Variants in FUBP3 observed in about 807,000 individuals in gnomAD.
FUBP3 encodes far upstream element-binding protein 3.
FUBP3 carries 28 observed loss-of-function variants against 85.6 expected under a neutral mutation model. That is an observed-to-expected ratio of 0.33 (90% CI 0.24 to 0.45). The LOEUF is 0.45. Ranked by LOEUF, FUBP3 falls within the 20% of genes least tolerant of loss-of-function variation. The pLI, the probability that FUBP3 is intolerant of heterozygous loss-of-function variation, is 1.00. For missense variants in FUBP3, 583 were observed against 755.1 expected (o/e 0.77, Z 2.67); for synonymous variants, 271 against 271.4 (o/e 1.00, Z 0.01).
Position 130,637,441 on chromosome 9 carries a change from G to T in FUBP3, c.*419G>T. The T allele has an allele frequency of 5.5e-6, 1 of 182,374 alleles. No homozygotes were observed. The highest frequency in any genetic ancestry group is 2.4e-5 in the African/African-American group (1 of 42,122). The allele number at this position is 182,374 out of a possible 1,614,324, so 11.3% of individuals were successfully genotyped here. On this transcript the variant is annotated 3_prime_UTR_variant, in exon 19 of 19. Coordinates refer to ENST00000319725, the MANE Select transcript of FUBP3 (RefSeq NM_003934.2). The stretch of plus-strand genomic sequence containing the variant: ...ACAAATTCTTTTTAAAAATTTTAAA[G>T]CAGTATTTAAGTATTCTTAAATGTG...
chr9:130,616,706 T>TATG lies in FUBP3; in HGVS notation c.567+193_567+195dup, dbSNP rs1462512902. Among the ~76,000 whole-genome samples the TATG allele has an allele frequency of 6.7e-6, 1 of 150,208 alleles. No homozygotes were observed. The highest frequency in any genetic ancestry group is 1.5e-5 in the Non-Finnish European group (1 of 68,014). ...CACCACGGCCACGTCTGATGCCAAATATGATGCCAAGTACTAGGGCAGGTG... is the reference window on the plus strand; with the variant it reads ...CACCACGGCCACGTCTGATGCCAAATATGATGATGCCAAGTACTAGGGCAGGTG... On this transcript the variant is annotated intron_variant, in intron 7 of 18. Coordinates refer to ENST00000319725, the MANE Select transcript of FUBP3 (RefSeq NM_003934.2). The surrounding 1 kb of genome is among the most constrained non-coding windows in gnomAD (Gnocchi z 4.7).
chr9:130,607,971 T>C lies in FUBP3; in HGVS notation c.191-1983T>C, dbSNP rs546747112. ...ACCGTGGCTGGCAGGAATGGTGTCA[T>C]GTGCGTGGCACCTGTAACACATACT... On this transcript the variant is annotated intron_variant, in intron 2 of 18. Coordinates refer to ENST00000319725, the MANE Select transcript of FUBP3 (RefSeq NM_003934.2). Among the ~76,000 whole-genome samples, 33 of 152,354 alleles carry C rather than the reference T, an allele frequency of 2.2e-4. No individual in the cohort carries two copies. The South Asian group carries it at 6.2e-3, about 29-fold the overall frequency.
At chr9:130,626,670 G>T (rs1829990538) in intron 12 of FUBP3, among the ~76,000 whole-genome samples, 165 bp downstream of exon 12, 1 of 152,194 alleles carries the variant, frequency 6.6e-6, no homozygotes, top group African/African-American at 2.4e-5. Flanking sequence ...GCTTGGCATG[G>T]TTCTCTGAGG....
intron 1 of FUBP3, among the ~76,000 whole-genome samples, chr9:130,584,880 C>T (rs541797165): frequency 2.8e-5 from 4 of 143,394 alleles, no homozygotes; most frequent in African/African-American, 1.0e-4. Flanking sequence ...AAAAAAGTTT[C>T]GGTCAGGCAC....
chr9:130,634,856 C>G, intron 17 of FUBP3, 118 bp downstream of exon 17: 2 of 785,036 alleles, frequency 2.5e-6, no homozygotes. Context: ...GTGGCTTGAT[C>G]TCATTATTTG....
intron 1 of FUBP3, among the ~76,000 whole-genome samples, chr9:130,588,944 C>T (rs73547971): frequency 0.16 from 24,171 of 152,118 alleles, 2,180 homozygotes; most frequent in African/African-American, 0.23. Context: ...GTGGCTGTGC[C>T]GCGCAGGCTC....
chr9:130,631,616 C>A lies in FUBP3; in HGVS notation c.1338C>A (p.Ala446=). Residue 446 remains alanine (A), a synonymous_variant, in exon 14 of 19, where the codon GCC becomes GCA. Transcript: ENST00000319725. The stretch of plus-strand genomic sequence containing the variant: ...AGAGTCCATTCAGCCAGCCACCTGC[C>A]CCACCTCATCAAAAGTGAGTCTTTT... ...FGQSPFSQPP[A]PPHQNTFPPR... is the part of the protein sequence containing the mutation. The A allele has an allele frequency of 6.2e-7, 1 of 1,612,978 alleles. No homozygotes were observed. The highest frequency in any genetic ancestry group is 8.5e-7 in the Non-Finnish European group (1 of 1,178,948).
intron 12 of FUBP3, among the ~76,000 whole-genome samples, chr9:130,630,088 G>A (rs1292869929): frequency 6.6e-6 from 1 of 152,244 alleles, no homozygotes; most frequent in Non-Finnish European, 1.5e-5. Context: ...AGGGACTTGA[G>A]AAGTGACAGG....
chr9:130,609,882 G>T, intron 2 of FUBP3, 72 bp from the exon 3 acceptor site: 1 of 1,177,776 alleles, frequency 8.5e-7, no homozygotes, highest in South Asian at 1.2e-5. Flanking sequence ...GAAATGGTAA[G>T]AATGGTAAGG....
At chr9:130,603,935 G>T (rs368365148) in intron 2 of FUBP3, among the ~76,000 whole-genome samples, 51 of 152,302 alleles carry the variant, frequency 3.3e-4, no homozygotes, top group Middle Eastern at 3.4e-3. Flanking sequence ...TCACACAAGA[G>T]CCTGTTCACA....
rs769177757 is a variant in FUBP3 at position 130,595,614 on chromosome 9, T to TTTCA, written c.190+27_190+30dup. Reference sequence around the variant, plus strand: ...GTAAGTTGCCAGAAATATCTTTGCCTTTCAGGTGGTAGTGAACCTGCCAGT... The same window carrying TTTCA: ...GTAAGTTGCCAGAAATATCTTTGCCTTTCATTCAGGTGGTAGTGAACCTGCCAGT... On this transcript the variant is annotated intron_variant, in intron 2 of 18. Transcript: ENST00000319725. The TTTCA allele has an allele frequency of 4.9e-6, 5 of 1,019,796 alleles. No individual in the cohort carries two copies. The East Asian group carries it at 1.2e-4, about 24-fold the overall frequency. The allele number at this position is 1,019,796 out of a possible 1,614,324, so 63.2% of individuals were successfully genotyped here. A position where few individuals can be genotyped will look rare whatever the true frequency, so the allele number is the denominator to read the frequency against.
chr9:130,579,986 G>A (rs1245999020), intron 1 of FUBP3, among the ~76,000 whole-genome samples: 1 of 152,250 alleles, frequency 6.6e-6, no homozygotes, highest in African/African-American at 2.4e-5. Context: ...GGTGCCTGAA[G>A]TCGCTGGGAA....
At chr9:130,588,195 T>C (rs955567186) in intron 1 of FUBP3, among the ~76,000 whole-genome samples, 1 of 152,236 alleles carries the variant, frequency 6.6e-6, no homozygotes, top group Non-Finnish European at 1.5e-5. Context: ...AAACTTGAGC[T>C]TCAGACAGTA....
At chr9:130,627,290 G>A (rs1294613602) in intron 12 of FUBP3, among the ~76,000 whole-genome samples, 7 of 152,260 alleles carry the variant, frequency 4.6e-5, no homozygotes, top group Middle Eastern at 3.2e-3. Context: ...GCTGCCAGCG[G>A]GGGACTCCCG....
chr9:130,632,357 G>T, intron 16 of FUBP3, 79 bp downstream of exon 16: 1 of 1,088,744 alleles, frequency 9.2e-7, no homozygotes, highest in East Asian at 2.4e-5. Context: ...AAACGCCCTC[G>T]TTCAACTCAG....
In FUBP3 at chr9:130,633,666, C is replaced by T. The variant is rs558332451; in HGVS notation, c.1511-1001C>T. On this transcript the variant is annotated intron_variant, in intron 16 of 18. Coordinates refer to ENST00000319725, the MANE Select transcript of FUBP3 (RefSeq NM_003934.2). ...TTTGGGTTGGTGAAATACTGTTTGG[C>T]GGCGAAGTCCTGCTTGCCGGCGCCC... is the stretch of plus-strand genomic sequence containing the variant. Among the ~76,000 whole-genome samples the T allele has an allele frequency of 5.3e-5, 8 of 152,314 alleles. 1 individual carries two copies. The South Asian group carries it at 1.4e-3, about 28-fold the overall frequency.
chr9:130,623,572 G>A (rs1205989816), intron 10 of FUBP3, 39 bp from the exon 11 acceptor site: 1 of 1,286,010 alleles, frequency 7.8e-7, no homozygotes, highest in Non-Finnish European at 1.1e-6. Flanking sequence ...TTCTAACGTT[G>A]GGCTTTTTTC....
At position 130,606,552 on chromosome 9, in the gene FUBP3, G is replaced by A. The variant is rs1388922599; in HGVS notation, c.191-3402G>A. Among the ~76,000 whole-genome samples, 8 of 152,104 alleles carry A rather than the reference G, an allele frequency of 5.3e-5. No individual in the cohort carries two copies. In the East Asian group the frequency reaches 1.3e-3, roughly 26 times the overall value. On this transcript the variant is annotated intron_variant, in intron 2 of 18. Transcript: ENST00000319725. ...TAAAGCTGATGTGGCCGGGCGCGGTGGCTCACGCCTGTAATCCCAGCACTT... is the reference window on the plus strand; with the variant it reads ...TAAAGCTGATGTGGCCGGGCGCGGTAGCTCACGCCTGTAATCCCAGCACTT...
rs1039327756 is a variant in FUBP3, at chr9:130,599,980, A to G, written c.190+4392A>G. Among the ~76,000 whole-genome samples, 58 of 150,456 alleles carry G rather than the reference A, an allele frequency of 3.9e-4. 1 individual carries two copies. Among genetic ancestry groups the G allele is most frequent in the Non-Finnish European group, 2.7e-4 (18 of 67,524 alleles). ...CCTCACCCAGCTCTTAACCTGCCCAACTCCTGCTCAGCCAACTTCTTCCTA... is the reference window on the plus strand; with the variant it reads ...CCTCACCCAGCTCTTAACCTGCCCAGCTCCTGCTCAGCCAACTTCTTCCTA... On this transcript the variant is annotated intron_variant, in intron 2 of 18. Transcript: ENST00000319725.
Sources: gnomAD v4.1 joint callset for allele counts (sites outside exome capture counted in the v4.1 genomes callset) on GRCh38, gnomAD v4.1.1 for gene constraint, Gnocchi (gnomAD v3.1) non-coding constraint, MANE v1.5 for transcripts, NCBI Gene and HGNC (gene_info 2026-07-23, HGNC 2026-07-21) for gene names.